Variants in SYT1 observed in about 807,000 individuals in gnomAD.
SYT1 encodes the protein synaptotagmin 1.
Under a neutral mutation model 44.8 loss-of-function variants are expected in SYT1, and 8 were observed. That is an observed-to-expected ratio of 0.18 (90% CI 0.10 to 0.32). SYT1 has a LOEUF of 0.32. Ranked by LOEUF, SYT1 falls within the 10% of genes least tolerant of loss-of-function variation. SYT1 has a pLI of 1.00. For missense variants in SYT1, 286 were observed against 509.3 expected (o/e 0.56, Z 4.22); for synonymous variants, 154 against 188.8 (o/e 0.82, Z 1.51).
chr12:79,270,993 A>G (rs1878392167), intron 4 of SYT1, among the ~76,000 whole-genome samples: 1 of 152,232 alleles, frequency 6.6e-6, no homozygotes, highest in South Asian at 2.1e-4. Flanking sequence ...TATAAATTAG[A>G]AAAGGGGCTC....
chr12:79,100,020 G>A (rs1878353135), intron 3 of SYT1, among the ~76,000 whole-genome samples: 1 of 152,032 alleles, frequency 6.6e-6, no homozygotes, highest in Non-Finnish European at 1.5e-5. Flanking sequence ...TTAAATAATT[G>A]TACATGTTCT....
intron 1 of SYT1, among the ~76,000 whole-genome samples, chr12:78,955,122 C>A (rs561111834): frequency 3.9e-5 from 6 of 152,014 alleles, no homozygotes; most frequent in Non-Finnish European, 7.4e-5. Flanking sequence ...TTTTTGATGT[C>A]ATTAATGCCG....
At chr12:79,377,212 C>T (rs919629672) in intron 9 of SYT1, among the ~76,000 whole-genome samples, 1 of 152,084 alleles carries the variant, frequency 6.6e-6, no homozygotes, top group African/African-American at 2.4e-5. Flanking sequence ...CCCAGGTTCA[C>T]ACCATTCTCC....
At chr12:79,004,203 AG>A (rs1485253674) in intron 2 of SYT1, among the ~76,000 whole-genome samples, 1 of 152,002 alleles carries the variant, frequency 6.6e-6, no homozygotes, top group Non-Finnish European at 1.5e-5. Flanking sequence ...AAATTCTTAA[AG>A]GTAATGTACT....
intron 1 of SYT1, among the ~76,000 whole-genome samples, chr12:78,955,295 G>T (rs1879149551): frequency 6.6e-6 from 1 of 152,012 alleles, no homozygotes; most frequent in African/African-American, 2.4e-5. Flanking sequence ...ACACATTCAG[G>T]TTTTGTCCAT....
chr12:78,958,202 T>G (rs534970124), intron 1 of SYT1, among the ~76,000 whole-genome samples: 5 of 152,314 alleles, frequency 3.3e-5, no homozygotes, highest in Admixed American at 3.3e-4. Flanking sequence ...GCACAAACAC[T>G]GCACACAAGA....
chr12:79,034,396 G>T (rs1211441308), intron 2 of SYT1, among the ~76,000 whole-genome samples: 3 of 151,514 alleles, frequency 2.0e-5, no homozygotes, highest in African/African-American at 7.3e-5. Flanking sequence ...AAGTAGTAAG[G>T]AATGTCTAAA....
At chr12:78,971,074 G>A (rs1013366597) in intron 1 of SYT1, among the ~76,000 whole-genome samples, 3 of 152,182 alleles carry the variant, frequency 2.0e-5, no homozygotes, top group Non-Finnish European at 4.4e-5. Context: ...TGAGGCAGGA[G>A]AATTGCTTGA....
chr12:79,436,043 C>A (rs554018874), intron 9 of SYT1, among the ~76,000 whole-genome samples: 1 of 152,112 alleles, frequency 6.6e-6, no homozygotes, highest in Non-Finnish European at 1.5e-5. Flanking sequence ...ATATTTCTAG[C>A]TGGGTGAACT....
intron 1 of SYT1, among the ~76,000 whole-genome samples, chr12:78,887,169 A>C (rs1874794648): frequency 6.6e-6 from 1 of 151,962 alleles, no homozygotes; most frequent in Non-Finnish European, 1.5e-5. Context: ...TGTTTTGAGT[A>C]GCATGATGAA....
chr12:79,386,307 TG>T (rs1324177044), intron 9 of SYT1, among the ~76,000 whole-genome samples: 1 of 99,284 alleles, frequency 1.0e-5, no homozygotes, highest in Non-Finnish European at 2.8e-5. Flanking sequence ...AATACATTTT[TG>T]GGTTTTTTTT....
intron 4 of SYT1, among the ~76,000 whole-genome samples, chr12:79,257,789 C>G (rs1431849544): frequency 6.6e-6 from 1 of 152,078 alleles, no homozygotes; most frequent in East Asian, 1.9e-4. Context: ...GCGAATAAAC[C>G]GAGAAAGAAA....
intron 1 of SYT1, among the ~76,000 whole-genome samples, chr12:78,939,317 A>T (rs1419567548): frequency 6.6e-6 from 1 of 152,282 alleles, no homozygotes; most frequent in African/African-American, 2.4e-5. Flanking sequence ...GAACTTGCAA[A>T]GTAAGCTTCA....
rs200128667 is a variant in SYT1, at chr12:79,108,124, G to T, written c.-18+60762G>T. Among the ~76,000 whole-genome samples, 35 of 151,924 alleles carry T rather than the reference G, an allele frequency of 2.3e-4. No homozygotes were observed. In the East Asian group the frequency reaches 6.2e-3, roughly 27 times the overall value. ...TTTTAATACAAGAAAAAAGAGCAAA[G>T]ATGAAGATATGCACCAAGCTGATAA... is the stretch of plus-strand genomic sequence containing the variant. On this transcript the variant is annotated intron_variant, in intron 3 of 10. Coordinates refer to ENST00000261205, the MANE Select transcript of SYT1 (RefSeq NM_005639.3).
chr12:79,443,538 C>A (rs1593071706), intron 9 of SYT1, among the ~76,000 whole-genome samples: 1 of 152,144 alleles, frequency 6.6e-6, no homozygotes, highest in Non-Finnish European at 1.5e-5. Context: ...ATTCCTAGGG[C>A]CTAACAGTGC....
At chr12:79,389,008 T>G (rs1884550417) in intron 9 of SYT1, among the ~76,000 whole-genome samples, 1 of 152,210 alleles carries the variant, frequency 6.6e-6, no homozygotes, top group East Asian at 1.9e-4. Context: ...CAAGAAACTT[T>G]GTTATCCCAT....
chr12:79,060,297 AT>A (rs1176410122), intron 3 of SYT1, among the ~76,000 whole-genome samples: 1 of 151,834 alleles, frequency 6.6e-6, no homozygotes, highest in African/African-American at 2.4e-5. Flanking sequence ...ATCTTTAGCC[AT>A]TTTTTTAATT....
rs148628197 is a variant in SYT1 at position 79,015,589 on chromosome 12, A to G, written c.-83-31708A>G. On this transcript the variant is annotated intron_variant, in intron 2 of 10. Transcript: ENST00000261205. Reference sequence around the variant, plus strand: ...TTTATGCATTAAACATATTCATATAAAAAAGATATGCAGCCAGAATATTTC... The same window carrying G: ...TTTATGCATTAAACATATTCATATAGAAAAGATATGCAGCCAGAATATTTC... Among the ~76,000 whole-genome samples, 425 of 152,308 alleles carry G rather than the reference A, an allele frequency of 2.8e-3. 3 individuals are homozygous for G. Among genetic ancestry groups the G allele is most frequent in the African/African-American group, 9.7e-3 (402 of 41,568 alleles).
chr12:79,375,669 T>C (rs1883964810), intron 9 of SYT1, among the ~76,000 whole-genome samples: 1 of 152,230 alleles, frequency 6.6e-6, no homozygotes, highest in Non-Finnish European at 1.5e-5. Context: ...TGCTCTTTGT[T>C]ATTCTCTATT....
Sources: allele counts gnomAD v4.1 joint callset (sites outside exome capture counted in the v4.1 genomes callset), GRCh38; gene constraint gnomAD v4.1.1; transcripts MANE v1.5; gene names NCBI Gene and HGNC (gene_info 2026-07-23, HGNC 2026-07-21).